Variants in HDAC9 observed in about 807,000 individuals in gnomAD.
The protein encoded by HDAC9 is MEF-2 interacting transcription repressor (MITR) protein.
Under a neutral mutation model 139.4 loss-of-function variants are expected in HDAC9, and 41 were observed. The ratio of observed to expected loss-of-function variants is 0.29; its 90% CI spans 0.23 to 0.38. HDAC9 has a LOEUF of 0.38. Ranked by LOEUF, HDAC9 falls within the 10% of genes least tolerant of loss-of-function variation. The probability of loss-of-function intolerance (pLI) is 1.00; values close to 1 mark genes in which losing one functional copy is unlikely to be tolerated. For missense variants in HDAC9, 1,147 were observed against 1,297.0 expected (o/e 0.88, Z 1.78); for synonymous variants, 517 against 476.2 (o/e 1.09, Z -1.12).
At chr7:18,758,557 T>A (rs565465045) in intron 14 of HDAC9, among the ~76,000 whole-genome samples, 1 of 152,282 alleles carries the variant, frequency 6.6e-6, no homozygotes, top group South Asian at 2.1e-4. Context: ...AAATGGGAAC[T>A]GGTGAAGATC....
chr7:18,637,375 G>T (rs1008437599), intron 8 of HDAC9, among the ~76,000 whole-genome samples: 3 of 151,974 alleles, frequency 2.0e-5, no homozygotes, highest in African/African-American at 7.2e-5. Flanking sequence ...AAAAGATTTT[G>T]CTTATACTGT....
At chr7:18,351,831 C>G (rs892080868) in intron 1 of HDAC9, among the ~76,000 whole-genome samples, 1 of 152,122 alleles carries the variant, frequency 6.6e-6, no homozygotes, top group African/African-American at 2.4e-5. Context: ...GTCATTCATA[C>G]AGGCACACAC....
intron 1 of HDAC9, among the ~76,000 whole-genome samples, chr7:18,344,640 C>G (rs962444149): frequency 6.6e-6 from 1 of 151,786 alleles, no homozygotes; most frequent in African/African-American, 2.4e-5. Flanking sequence ...AGATAGAATC[C>G]ACATATTTTC....
In HDAC9 at chr7:18,504,010, A is replaced by G. The variant is rs112828905; in HGVS notation, c.22+7686A>G. Among the ~76,000 whole-genome samples the G allele has an allele frequency of 8.0e-3, 1,216 of 152,322 alleles. 17 individuals carry two copies. Among genetic ancestry groups the G allele is most frequent in the African/African-American group, 0.028 (1,153 of 41,576 alleles). On this transcript the variant is annotated intron_variant, in intron 2 of 25. Transcript: ENST00000686413. Reference sequence around the variant, plus strand: ...AATTTCACTGAGTTTTCATTAAATGACATCATAGCTTGGGAGTTCTTGCTT... The same window carrying G: ...AATTTCACTGAGTTTTCATTAAATGGCATCATAGCTTGGGAGTTCTTGCTT...
intron 21 of HDAC9, among the ~76,000 whole-genome samples, chr7:18,864,571 T>TGGATACC (rs1798348905): frequency 1.3e-5 from 2 of 151,772 alleles, no homozygotes; most frequent in East Asian, 3.9e-4. Flanking sequence ...TTAACAGTTG[T>TGGATACC]TTAAGGGGGT....
chr7:18,496,345 T>C (rs761135337), intron 2 of HDAC9, 21 bp downstream of exon 2: 3 of 1,609,176 alleles, frequency 1.9e-6, no homozygotes, highest in South Asian at 2.2e-5. Flanking sequence ...CTTTCATAAC[T>C]GAGACGTTTT....
intron 2 of HDAC9, among the ~76,000 whole-genome samples, chr7:18,576,619 G>A (rs577552526): frequency 4.7e-4 from 69 of 146,584 alleles, no homozygotes; most frequent in African/African-American, 1.7e-3. Flanking sequence ...CCGAGATCGC[G>A]CCACTGCACT....
intron 17 of HDAC9, among the ~76,000 whole-genome samples, chr7:18,828,815 C>T (rs560255693): frequency 6.6e-6 from 1 of 152,314 alleles, no homozygotes; most frequent in South Asian, 2.1e-4. Context: ...TCTTCTCCCT[C>T]TGTAGGATGT....
intron 1 of HDAC9, among the ~76,000 whole-genome samples, chr7:18,119,988 G>A (rs1389665827): frequency 3.9e-5 from 6 of 152,106 alleles, no homozygotes; most frequent in African/African-American, 1.4e-4. Context: ...TGTTTTTGGG[G>A]GTAATGTATG....
intron 1 of HDAC9, among the ~76,000 whole-genome samples, chr7:18,135,700 CATT>C (rs1267963356): frequency 6.9e-4 from 100 of 144,724 alleles, no homozygotes; most frequent in African/African-American, 2.4e-3. Context: ...TCCAGTCTAT[CATT>C]GTTGGACATT....
intron 21 of HDAC9, among the ~76,000 whole-genome samples, chr7:18,871,016 T>C (rs1321901015): frequency 6.6e-6 from 1 of 152,190 alleles, no homozygotes; most frequent in Non-Finnish European, 1.5e-5. Flanking sequence ...TATTTCTGCC[T>C]TGTTCCAATG....
At chr7:18,880,203 TTGG>T (rs1331388173) in intron 22 of HDAC9, among the ~76,000 whole-genome samples, 1 of 152,168 alleles carries the variant, frequency 6.6e-6, no homozygotes, top group Non-Finnish European at 1.5e-5. Flanking sequence ...TTAGACACTG[TTGG>T]TGGGAATGTA....
intron 17 of HDAC9, among the ~76,000 whole-genome samples, chr7:18,821,846 CT>C (rs1171277440): frequency 6.6e-6 from 1 of 152,192 alleles, no homozygotes; most frequent in East Asian, 1.9e-4. Context: ...ACAACCCCCT[CT>C]TTGTGTTTGA....
chr7:18,467,697 A>G (rs534772245), intron 1 of HDAC9, among the ~76,000 whole-genome samples: 1 of 152,328 alleles, frequency 6.6e-6, no homozygotes, highest in African/African-American at 2.4e-5. Flanking sequence ...TGTTGTTAAT[A>G]TCTCATATCA....
At chr7:18,168,891 T>TGTG (rs1256067548) in intron 2 of HDAC9, among the ~76,000 whole-genome samples, 136 of 114,722 alleles carry the variant, frequency 1.2e-3, no homozygotes, top group African/African-American at 5.1e-3. Flanking sequence ...TTTTTTTTTT[T>TGTG]TTTTTTTGTG....
At chr7:18,495,689 T>C (rs548464378), upstream of HDAC9, 3 of 954,056 alleles carry the variant, frequency 3.1e-6, no homozygotes, top group South Asian at 4.8e-5. Context: ...TGTTGATTCA[T>C]ATGCAAATGG....
intron 2 of HDAC9, among the ~76,000 whole-genome samples, chr7:18,241,712 C>T (rs570476816): frequency 2.8e-4 from 43 of 152,280 alleles, no homozygotes; most frequent in Non-Finnish European, 4.6e-4. Flanking sequence ...TTCAGTGTTT[C>T]CTGACACTGA....
At chr7:18,992,121 A>T (rs972613687) in intron 25 of HDAC9, among the ~76,000 whole-genome samples, 1 of 152,266 alleles carries the variant, frequency 6.6e-6, no homozygotes, top group Non-Finnish European at 1.5e-5. Flanking sequence ...TACACAAAAT[A>T]TATGACCTGG....
chr7:18,577,744 G>C (rs1387458717), intron 2 of HDAC9, among the ~76,000 whole-genome samples: 2 of 152,124 alleles, frequency 1.3e-5, no homozygotes, highest in African/African-American at 4.8e-5. Context: ...TAGTGTAAAA[G>C]GCAGGAAGGA....
Sources: gnomAD v4.1 joint callset for allele counts (sites outside exome capture counted in the v4.1 genomes callset) on GRCh38, gnomAD v4.1.1 for gene constraint, MANE v1.5 for transcripts, NCBI Gene and HGNC (gene_info 2026-07-23, HGNC 2026-07-21) for gene names.